The following SUGCT variants were observed in gnomAD, a reference collection of about 807,000 sequenced individuals.
SUGCT encodes succinyl-CoA:glutarate-CoA transferase.
In SUGCT, 41 loss-of-function variants were observed where a neutral mutation model predicts 55.0. The observed-to-expected ratio is 0.74, with a 90% CI of 0.58 to 0.97. SUGCT has a LOEUF of 0.97. Ranked by LOEUF, SUGCT falls within the 50% of genes least tolerant of loss-of-function variation. The pLI, the probability that SUGCT is intolerant of heterozygous loss-of-function variation, is 0.00. For missense variants in SUGCT, 568 were observed against 547.8 expected (o/e 1.04, Z -0.37); for synonymous variants, 187 against 200.4 (o/e 0.93, Z 0.56).
rs980657289 is a variant in SUGCT at position 40,188,484 on chromosome 7, A to G, written c.227-11A>G. 6.9e-6 allele frequency: 10 copies of G among 1,439,620 alleles called. No individual in the cohort carries two copies. The African/African-American group carries it at 1.3e-4, about 19-fold the overall frequency. 89.2% of individuals were successfully genotyped at this position (1,439,620 alleles called of 1,614,324 possible). ...ACCCCAAAGATTAATAGCTCATGTTATTATTTTCAGGAGCTGGTGATGATA... is the reference window on the plus strand; with the variant it reads ...ACCCCAAAGATTAATAGCTCATGTTGTTATTTTCAGGAGCTGGTGATGATA... On this transcript the variant is annotated splice_polypyrimidine_tract_variant and intron_variant, in intron 3 of 13. Transcript: ENST00000335693.
chr7:40,395,516 A>G (rs867999291), intron 9 of SUGCT, among the ~76,000 whole-genome samples: 3 of 143,762 alleles, frequency 2.1e-5, no homozygotes, highest in African/African-American at 7.8e-5. Context: ...AAAAAAAAAG[A>G]AAAAAAAATT....
chr7:40,222,981 ATTTCTTTCC>A (rs1788104324), intron 6 of SUGCT, among the ~76,000 whole-genome samples: 1 of 136,988 alleles, frequency 7.3e-6, no homozygotes, highest in Admixed American at 7.4e-5. Context: ...TTTATTTTTC[ATTTCTTTCC>A]TTCCTTCCTT....
the SUGCT span, among the ~76,000 whole-genome samples, chr7:40,934,353 G>A: frequency 6.6e-6 from 1 of 152,098 alleles, no homozygotes. Context: ...GGTGTCTTTC[G>A]GCCCCTACTG....
chr7:40,353,310 A>G (rs73136906), intron 9 of SUGCT, among the ~76,000 whole-genome samples: 1 of 152,296 alleles, frequency 6.6e-6, no homozygotes, highest in Non-Finnish European at 1.5e-5. Context: ...ATAGACCAGC[A>G]GCATAGATCT....
the SUGCT span, among the ~76,000 whole-genome samples, chr7:41,009,886 A>G: frequency 9.2e-5 from 14 of 152,240 alleles, no homozygotes; most frequent in Non-Finnish European, 1.9e-4. Flanking sequence ...GAAATCAGTG[A>G]TCACTCTCTT....
intron 1 of SUGCT, chr7:40,141,766 G>C: frequency 3.2e-6 from 1 of 316,198 alleles, no homozygotes; most frequent in Non-Finnish European, 6.5e-6. Context: ...TATAAATAAA[G>C]GTTTGGTGCC....
At chr7:40,195,141 G>T in intron 6 of SUGCT, 81 bp downstream of exon 6, 4 of 1,324,084 alleles carry the variant, frequency 3.0e-6, no homozygotes, top group South Asian at 4.0e-5. Flanking sequence ...ACCTTTTGCT[G>T]GCTTTTTTTT....
chr7:40,518,889 GAATAA>G (rs1262413553), intron 12 of SUGCT, among the ~76,000 whole-genome samples: 1 of 151,892 alleles, frequency 6.6e-6, no homozygotes, highest in African/African-American at 2.4e-5. Context: ...CAACTCAAAA[GAATAA>G]AATAAATATT....
intron 12 of SUGCT, among the ~76,000 whole-genome samples, chr7:40,724,826 G>C (rs1323055480): frequency 6.6e-6 from 1 of 151,838 alleles, no homozygotes; most frequent in Non-Finnish European, 1.5e-5. Context: ...TTTTTTAAAA[G>C]GTCAAATTAG....
At chr7:40,639,975 T>C (rs1177537233) in intron 12 of SUGCT, among the ~76,000 whole-genome samples, 1 of 152,176 alleles carries the variant, frequency 6.6e-6, no homozygotes, top group African/African-American at 2.4e-5. Context: ...AGAAGACTAA[T>C]GGAATTAGAA....
intron 13 of SUGCT, among the ~76,000 whole-genome samples, chr7:40,806,348 TTA>T (rs1791090101): frequency 6.6e-6 from 1 of 152,146 alleles, no homozygotes; most frequent in Non-Finnish European, 1.5e-5. Context: ...TTGTTCATAT[TTA>T]TATGAATGTT....
intron 12 of SUGCT, among the ~76,000 whole-genome samples, chr7:40,604,754 C>T (rs1035124516): frequency 1.3e-5 from 2 of 152,160 alleles, no homozygotes; most frequent in African/African-American, 4.8e-5. Flanking sequence ...TTAAAGCTTC[C>T]TTTTCCAAGA....
At chr7:40,214,552 G>A (rs2150803291) in intron 6 of SUGCT, among the ~76,000 whole-genome samples, 1 of 152,246 alleles carries the variant, frequency 6.6e-6, no homozygotes, top group Middle Eastern at 3.4e-3. Context: ...GGGACTGGGA[G>A]CAGAGAGTTG....
the SUGCT span, among the ~76,000 whole-genome samples, chr7:41,009,668 C>T: frequency 1.3e-5 from 2 of 151,940 alleles, no homozygotes; most frequent in Non-Finnish European, 2.9e-5. Flanking sequence ...CTTCCATCCA[C>T]CATCCATCCG....
At chr7:40,262,786 A>G (rs1190251117) in intron 7 of SUGCT, among the ~76,000 whole-genome samples, 1 of 152,192 alleles carries the variant, frequency 6.6e-6, no homozygotes, top group African/African-American at 2.4e-5. Flanking sequence ...AAAAGGAAAG[A>G]TGAGGAATAT....
chr7:40,723,220 T>A (rs923926345), intron 12 of SUGCT, among the ~76,000 whole-genome samples: 2 of 152,026 alleles, frequency 1.3e-5, no homozygotes, highest in Middle Eastern at 3.4e-3. Flanking sequence ...TAGCAGGAGG[T>A]AAAGGAACTA....
At chr7:40,658,354 C>T (rs1287614326) in intron 12 of SUGCT, among the ~76,000 whole-genome samples, 4 of 152,156 alleles carry the variant, frequency 2.6e-5, no homozygotes, top group African/African-American at 9.7e-5. Context: ...CTCTTAATTT[C>T]CTATTGAGAT....
chr7:40,800,808 A>C (rs1284046017), intron 13 of SUGCT, among the ~76,000 whole-genome samples: 1 of 152,240 alleles, frequency 6.6e-6, no homozygotes. Context: ...AGTGTCTACT[A>C]TACTTCAGGC....
At chr7:40,224,951 C>T (rs113651138) in intron 6 of SUGCT, among the ~76,000 whole-genome samples, 1 of 152,190 alleles carries the variant, frequency 6.6e-6, no homozygotes, top group African/African-American at 2.4e-5. Flanking sequence ...ACACTGCATT[C>T]CCATGGGAGA....
Sources: allele counts gnomAD v4.1 joint callset (sites outside exome capture counted in the v4.1 genomes callset), GRCh38; gene constraint gnomAD v4.1.1; transcripts MANE v1.5; gene names NCBI Gene and HGNC (gene_info 2026-07-23, HGNC 2026-07-21).